The following TRIM14 variants were observed in gnomAD, a reference collection of about 807,000 sequenced individuals.
TRIM14 encodes tripartite motif-containing protein 14.
In TRIM14, 28 loss-of-function variants were observed where a neutral mutation model predicts 44.5. The ratio of observed to expected loss-of-function variants is 0.63; its 90% CI spans 0.47 to 0.86. The LOEUF (loss-of-function observed/expected upper bound fraction) is 0.86, where lower values mean the gene tolerates loss of function less well. Ranked by LOEUF, TRIM14 falls within the 40% of genes least tolerant of loss-of-function variation. TRIM14 has a pLI of 0.00. For synonymous variants in TRIM14, 299 were observed against 269.2 expected (o/e 1.11, Z -1.08); for missense variants, 607 against 611.1 (o/e 0.99, Z 0.07).
the TRIM14 span, among the ~76,000 whole-genome samples, chr9:98,041,162 A>G: frequency 6.6e-6 from 1 of 152,262 alleles, no homozygotes; most frequent in African/African-American, 2.4e-5. Flanking sequence ...GAGCTCTAGG[A>G]TGAGGAATAA....
At chr9:98,039,334 A>G in the TRIM14 span, among the ~76,000 whole-genome samples, 4 of 152,074 alleles carry the variant, frequency 2.6e-5, no homozygotes, top group African/African-American at 9.7e-5. Flanking sequence ...GGGACAGTGA[A>G]AGAGCTCTAA....
chr9:98,089,304 G>A (rs1825916484), intron 5 of TRIM14, among the ~76,000 whole-genome samples: 1 of 152,034 alleles, frequency 6.6e-6, no homozygotes, highest in Non-Finnish European at 1.5e-5. Flanking sequence ...AGGCTCCCTA[G>A]TAACTAGGAT....
chr9:98,087,570 C>A lies in TRIM14; in HGVS notation c.1229G>T (p.Gly410Val). ...GCGGAAGGTATGCAGGTGGCTCATGCCGCCCGTCACGTCGTAGAAGGCGAG... is the reference window on the plus strand; with the variant it reads ...GCGGAAGGTATGCAGGTGGCTCATGACGCCCGTCACGTCGTAGAAGGCGAG... ...GVLAFYDVTG[G>V]MSHLHTFRAT... is the part of the protein sequence containing the mutation. The change falls in exon 6 of 6, where the codon GGC (glycine) becomes GTC (valine). Residue 410 changes from glycine to valine, a missense_variant. This residue lies in a region of TRIM14 where 356 missense variants were observed against 323.0 expected (regional missense o/e 1.10). Transcript: ENST00000341469. The A allele has an allele frequency of 6.3e-7, 1 of 1,595,398 alleles. No homozygotes were observed. Among genetic ancestry groups the A allele is most frequent in the East Asian group, 2.3e-5 (1 of 44,176 alleles).
chr9:98,056,206 T>C, the TRIM14 span, among the ~76,000 whole-genome samples: 1 of 152,114 alleles, frequency 6.6e-6, no homozygotes, highest in Non-Finnish European at 1.5e-5. Flanking sequence ...ACAAGCCAAG[T>C]ATTGTGATCA....
the TRIM14 span, among the ~76,000 whole-genome samples, chr9:98,055,714 C>T: frequency 3.9e-5 from 6 of 152,050 alleles, no homozygotes; most frequent in South Asian, 1.3e-3. Flanking sequence ...TGGGAAATAA[C>T]TTATCTTATT....
intron 2 of TRIM14, among the ~76,000 whole-genome samples, chr9:98,109,271 A>C (rs2417730): frequency 0.16 from 20,399 of 127,964 alleles, 1,661 homozygotes; most frequent in East Asian, 0.28. Context: ...AGAGGATGAA[A>C]GGGGGAGGGA....
the TRIM14 span, among the ~76,000 whole-genome samples, chr9:98,041,179 C>A: frequency 3.3e-5 from 5 of 151,790 alleles, no homozygotes; most frequent in Admixed American, 2.0e-4. Context: ...ATAAAATTCC[C>A]AGTATTAAAA....
chr9:98,056,003 GTGC>G, the TRIM14 span, among the ~76,000 whole-genome samples: 13 of 152,216 alleles, frequency 8.5e-5, no homozygotes, highest in African/African-American at 2.9e-4. Context: ...GCCTCCCAAA[GTGC>G]TGGGATTACA....
chr9:98,052,741 G>A, the TRIM14 span, among the ~76,000 whole-genome samples: 1 of 152,288 alleles, frequency 6.6e-6, no homozygotes. Flanking sequence ...CCTGATCTCA[G>A]CTGATCCACT....
intron 6 of TRIM14, chr9:98,076,250 G>A (rs1829586422): frequency 6.6e-6 from 1 of 152,168 alleles, no homozygotes; most frequent in Non-Finnish European, 1.5e-5. Context: ...AAGCCTTTGA[G>A]GCTATTCATG....
At chr9:98,040,678 G>A in the TRIM14 span, among the ~76,000 whole-genome samples, 4 of 148,284 alleles carry the variant, frequency 2.7e-5, no homozygotes, top group African/African-American at 7.5e-5. Context: ...TTTTTTTTGA[G>A]ACGGAGTCTC....
chr9:98,092,713 C>T (rs1826042617), intron 4 of TRIM14, among the ~76,000 whole-genome samples: 1 of 152,236 alleles, frequency 6.6e-6, no homozygotes, highest in Admixed American at 6.5e-5. Flanking sequence ...TGCCAATCAC[C>T]AAGTTTTGGC....
At chr9:98,059,083 G>A in the TRIM14 span, among the ~76,000 whole-genome samples, 1 of 152,034 alleles carries the variant, frequency 6.6e-6, no homozygotes, top group African/African-American at 2.4e-5. Flanking sequence ...GAGTGCAGTG[G>A]CGTGATCTCG....
intron 6 of TRIM14, chr9:98,077,077 C>A: frequency 7.9e-7 from 1 of 1,259,814 alleles, no homozygotes; most frequent in Non-Finnish European, 1.1e-6. Context: ...ATTTTTACTC[C>A]CCTCATGGTG....
chr9:98,109,845 A>G (rs372080655), intron 2 of TRIM14, 44 bp downstream of exon 2: 120 of 1,513,842 alleles, frequency 7.9e-5, no homozygotes, highest in East Asian at 2.3e-4. Context: ...TCTGGGGGGA[A>G]ATGTGGGTCT....
the TRIM14 span, among the ~76,000 whole-genome samples, chr9:98,060,527 G>A: frequency 9.2e-5 from 14 of 152,262 alleles, no homozygotes; most frequent in African/African-American, 3.1e-4. Context: ...AAAATTAGCC[G>A]GGTGTCGTGG....
the TRIM14 span, among the ~76,000 whole-genome samples, chr9:98,042,162 A>G: frequency 2.0e-4 from 30 of 151,354 alleles, no homozygotes; most frequent in Non-Finnish European, 3.8e-4. Context: ...GCGTGGTGGC[A>G]GGAGCCTCTA....
At chr9:98,078,528 A>G (rs1170414925) in intron 6 of TRIM14, among the ~76,000 whole-genome samples, 4 of 152,144 alleles carry the variant, frequency 2.6e-5, no homozygotes, top group African/African-American at 7.2e-5. Context: ...CATTCTAAAG[A>G]GGGTGACTGT....
intron 4 of TRIM14, among the ~76,000 whole-genome samples, chr9:98,093,778 C>T (rs1826082400): frequency 6.6e-6 from 1 of 152,022 alleles, no homozygotes; most frequent in African/African-American, 2.4e-5. Flanking sequence ...CAGAGTCTTG[C>T]TCTGTCACCC....
Sources: allele counts gnomAD v4.1 joint callset (sites outside exome capture counted in the v4.1 genomes callset), GRCh38; gene constraint gnomAD v4.1.1; regional missense constraint gnomAD v4.1.1; transcripts MANE v1.5; gene names NCBI Gene and HGNC (gene_info 2026-07-23, HGNC 2026-07-21).